Variants in COL28A1 observed in about 807,000 individuals in gnomAD.
COL28A1 encodes the protein collagen type XXVIII alpha 1 chain.
A neutral mutation model predicts 150.2 loss-of-function variants in COL28A1; 161 were observed. The ratio of observed to expected loss-of-function variants is 1.07; its 90% CI spans 0.94 to 1.22. The LOEUF (loss-of-function observed/expected upper bound fraction) is 1.22. COL28A1 is among the 50% of genes most tolerant of loss of function. The pLI, the probability that COL28A1 is intolerant of heterozygous loss-of-function variation, is 0.00. For synonymous variants in COL28A1, 552 were observed against 469.7 expected (o/e 1.18, Z -2.26); for missense variants, 1,617 against 1,388.3 (o/e 1.16, Z -2.62).
At chr7:7,387,474 T>C (rs1486886747) in intron 27 of COL28A1, among the ~76,000 whole-genome samples, 1 of 152,164 alleles carries the variant, frequency 6.6e-6, no homozygotes, top group African/African-American at 2.4e-5. Flanking sequence ...TTTATTATTG[T>C]ACTGTGTTAT....
chr7:7,422,009 T>C (rs1372821754), intron 25 of COL28A1, among the ~76,000 whole-genome samples: 2 of 152,176 alleles, frequency 1.3e-5, no homozygotes, highest in African/African-American at 4.8e-5. Flanking sequence ...TACATTTCCA[T>C]TAGCACTCCT....
Position 7,506,061 on chromosome 7 carries a change from T to A in COL28A1, c.979A>T (p.Thr327Ser). The A allele has an allele frequency of 7.2e-7, 1 of 1,392,542 alleles. No homozygotes were observed. The highest frequency in any genetic ancestry group is 1.2e-5 in the South Asian group (1 of 86,232). The allele number at this position is 1,392,542 out of a possible 1,614,324, so 86.3% of individuals were successfully genotyped here. A position where few individuals can be genotyped will look rare whatever the true frequency, so the allele number is the denominator to read the frequency against. ...GGGCCTGGGTCTCCTGGAGGTCCAG[T>A]AATTCCCTGCTCCAGGATGAAAACC... ...PKGPRGIQGI[T>S]GPPGDPGPKG... The change falls in exon 11 of 35, where the codon ACT becomes TCT. Residue 327 changes from threonine to serine, a missense_variant. Thr to Ser is a moderately conservative substitution (Grantham distance 58, BLOSUM62 1). Coordinates refer to ENST00000399429, the MANE Select transcript of COL28A1 (RefSeq NM_001037763.3).
chr7:7,383,539 A>G (rs1290738044), intron 27 of COL28A1, among the ~76,000 whole-genome samples: 1 of 151,672 alleles, frequency 6.6e-6, no homozygotes, highest in Non-Finnish European at 1.5e-5. Flanking sequence ...TCGGCCTCCT[A>G]AAGTGCTGGG....
chr7:7,483,010 T>C (rs1379382078), intron 13 of COL28A1, among the ~76,000 whole-genome samples: 1 of 152,176 alleles, frequency 6.6e-6, no homozygotes, highest in African/African-American at 2.4e-5. Context: ...AAGACAGAAT[T>C]ATAACTGAGA....
intron 15 of COL28A1, among the ~76,000 whole-genome samples, chr7:7,473,444 A>G (rs1788596090): frequency 6.6e-6 from 1 of 152,230 alleles, no homozygotes; most frequent in African/African-American, 2.4e-5. Flanking sequence ...AATGCTCAAC[A>G]TCACTAACGA....
chr7:7,444,121 C>G (rs768502594), intron 19 of COL28A1, among the ~76,000 whole-genome samples: 1 of 150,430 alleles, frequency 6.6e-6, no homozygotes, highest in Non-Finnish European at 1.5e-5. Flanking sequence ...TAGGGGGAGG[C>G]GGGGGGAGTG....
intron 27 of COL28A1, among the ~76,000 whole-genome samples, chr7:7,408,891 T>C (rs916530100): frequency 6.6e-6 from 1 of 152,156 alleles, no homozygotes; most frequent in Non-Finnish European, 1.5e-5. Context: ...TTTTAAGAAC[T>C]CAAATTGATT....
chr7:7,530,950 A>G (rs910686891), intron 3 of COL28A1, among the ~76,000 whole-genome samples: 1 of 152,256 alleles, frequency 6.6e-6, no homozygotes, highest in Admixed American at 6.5e-5. Flanking sequence ...ATACCTGTAC[A>G]GATGTGGAAT....
At chr7:7,499,734 A>G (rs1221487600) in intron 11 of COL28A1, among the ~76,000 whole-genome samples, 1 of 152,176 alleles carries the variant, frequency 6.6e-6, no homozygotes, top group Non-Finnish European at 1.5e-5. Context: ...ATAATTGTTC[A>G]TATTTGTGAT....
At chr7:7,460,916 A>C (rs1237160794) in intron 15 of COL28A1, among the ~76,000 whole-genome samples, 1 of 152,164 alleles carries the variant, frequency 6.6e-6, no homozygotes, top group Non-Finnish European at 1.5e-5. Context: ...GCAGGACTAG[A>C]TCGCAGCTCC....
At chr7:7,397,942 G>A (rs936880603) in intron 27 of COL28A1, among the ~76,000 whole-genome samples, 4 of 152,174 alleles carry the variant, frequency 2.6e-5, no homozygotes, top group African/African-American at 7.2e-5. Flanking sequence ...CCTGTCATGA[G>A]AATATTTTTG....
At chr7:7,493,447 AG>A (rs1215248667) in intron 11 of COL28A1, among the ~76,000 whole-genome samples, 1 of 152,188 alleles carries the variant, frequency 6.6e-6, no homozygotes, top group African/African-American at 2.4e-5. Context: ...GCCTTAGTCA[AG>A]TACCAAGAGC....
intron 27 of COL28A1, among the ~76,000 whole-genome samples, chr7:7,408,183 C>A (rs1783593342): frequency 6.6e-6 from 1 of 152,040 alleles, no homozygotes; most frequent in Non-Finnish European, 1.5e-5. Flanking sequence ...CCCGCTCTGA[C>A]AATGTGAAAG....
Position 7,474,653 on chromosome 7 carries a change from T to G in COL28A1, c.1250A>C (p.Glu417Ala). The G allele has an allele frequency of 7.0e-7, 1 of 1,419,224 alleles. No homozygotes were observed. The highest frequency in any genetic ancestry group is 1.0e-6 in the Non-Finnish European group (1 of 1,002,304). 87.9% of individuals were successfully genotyped at this position (1,419,224 alleles called of 1,614,324 possible). ...TAATCCCTGTGGGCCAGTTGGTCCT[T>G]CAGAACCTTTTTCACCCTGAAAGTA... Reference protein sequence around the residue: ...FPGPKGEKGSEGPTGPQGLQG... With the variant: ...FPGPKGEKGSAGPTGPQGLQG... Residue 417 changes from glutamate (E) to alanine (A), a missense_variant, in exon 15 of 35, where the codon GAA becomes GCA. Transcript: ENST00000399429.
chr7:7,350,514 A>G, the COL28A1 span, among the ~76,000 whole-genome samples: 1 of 152,262 alleles, frequency 6.6e-6, no homozygotes. Flanking sequence ...AAAACACATA[A>G]TACCTCAGAG....
At chr7:7,538,576 T>C (rs1365439769), upstream of COL28A1, among the ~76,000 whole-genome samples, 8 of 152,302 alleles carry the variant, frequency 5.3e-5, no homozygotes, top group Non-Finnish European at 1.5e-5. Context: ...TATGCTACCA[T>C]AGTAGCATCT....
At chr7:7,346,610 T>C in the COL28A1 span, among the ~76,000 whole-genome samples, 2 of 152,176 alleles carry the variant, frequency 1.3e-5, no homozygotes, top group South Asian at 2.1e-4. Context: ...TTTTATATTA[T>C]AGTTGATGGT....
intron 27 of COL28A1, among the ~76,000 whole-genome samples, chr7:7,402,708 T>A (rs576604355): frequency 3.3e-5 from 5 of 152,306 alleles, no homozygotes; most frequent in African/African-American, 4.8e-5. Context: ...CCCCACTGTA[T>A]GTTTTGATAT....
chr7:7,374,038 A>AAAAAAAAAAAAAAAATAT lies in COL28A1; in HGVS notation c.2360-493_2360-492insATATTTTTTTTTTTTTTT. ...TACTTGACTCTTAAAAAAAAAAAAA[A>AAAAAAAAAAAAAAAATAT]ATATATATATATATATATATATACT... On this transcript the variant is annotated intron_variant, in intron 31 of 34. Coordinates refer to ENST00000399429, the MANE Select transcript of COL28A1 (RefSeq NM_001037763.3). Among the ~76,000 whole-genome samples the AAAAAAAAAAAAAAAATAT allele has an allele frequency of 2.1e-3, 234 of 113,536 alleles. 1 individual carries two copies. The highest frequency in any genetic ancestry group is 8.5e-3 in the African/African-American group (224 of 26,324). The allele number at this position is 113,536 out of a possible 152,430, so 74.5% of individuals were successfully genotyped here. A position where few individuals can be genotyped will look rare whatever the true frequency, so the allele number is the denominator to read the frequency against.
Sources: gnomAD v4.1 joint callset for allele counts (sites outside exome capture counted in the v4.1 genomes callset) on GRCh38, gnomAD v4.1.1 for gene constraint, MANE v1.5 for transcripts, NCBI Gene and HGNC (gene_info 2026-07-23, HGNC 2026-07-21) for gene names.